NDUFAF6: variants seen among roughly 807,000 people sequenced by gnomAD.
The protein encoded by NDUFAF6 is NADH:ubiquinone oxidoreductase complex assembly factor 6, also known as NADH dehydrogenase (ubiquinone) complex I, assembly factor 6.
A neutral mutation model predicts 40.8 loss-of-function variants in NDUFAF6; 45 were observed. That is an observed-to-expected ratio of 1.10 (90% CI 0.87 to 1.42). The LOEUF is 1.42. Ranked by LOEUF, NDUFAF6 falls within the 40% of genes most tolerant of loss-of-function variation. The pLI is 0.00. For synonymous variants in NDUFAF6, 185 were observed against 155.9 expected, an observed-to-expected ratio of 1.19 and a Z score of -1.39; for missense variants, 435 against 418.5, an observed-to-expected ratio of 1.04 and a Z score of -0.34.
At chr8:95,007,911 A>C (rs1278077084) in intron 2 of NDUFAF6, among the ~76,000 whole-genome samples, 1 of 151,762 alleles carries the variant, frequency 6.6e-6, no homozygotes, top group Non-Finnish European at 1.5e-5. Context: ...TTTTGTAGAG[A>C]CGGGGTCTCA....
rs1832430361 is a variant in NDUFAF6, at chr8:95,058,209, A to C, written c.*272A>C. ...GAGCTCCAACAGGGAATATTGGTGT[A>C]GCTGTGCATAGGCCATAAGCCACAC... On this transcript the variant is annotated 3_prime_UTR_variant, in exon 9 of 9. Coordinates refer to ENST00000396124, the MANE Select transcript of NDUFAF6 (RefSeq NM_152416.4). The C allele has an allele frequency of 7.1e-7, 1 of 1,412,820 alleles. No homozygotes were observed. The highest frequency in any genetic ancestry group is 1.4e-5 in the African/African-American group (1 of 69,364). The allele number at this position is 1,412,820 out of a possible 1,614,324, so 87.5% of individuals were successfully genotyped here.
At chr8:94,969,094 A>G (rs1824253830) in intron 1 of NDUFAF6, among the ~76,000 whole-genome samples, 1 of 152,132 alleles carries the variant, frequency 6.6e-6, no homozygotes, top group South Asian at 2.1e-4. Flanking sequence ...TTCCGATGAG[A>G]GGTGGAGGCT....
chr8:94,944,385 A>C (rs1307813750), intron 1 of NDUFAF6, among the ~76,000 whole-genome samples: 2 of 152,190 alleles, frequency 1.3e-5, no homozygotes, highest in Non-Finnish European at 2.9e-5. Context: ...CCCACATGCA[A>C]ATTGCCCCCT....
At chr8:95,020,567 C>A (rs1164206906), upstream of NDUFAF6, among the ~76,000 whole-genome samples, 1 of 152,180 alleles carries the variant, frequency 6.6e-6, no homozygotes, top group Non-Finnish European at 1.5e-5. Context: ...CAATGCCACA[C>A]CAGCCCACAC....
upstream of NDUFAF6, among the ~76,000 whole-genome samples, chr8:94,957,254 T>G (rs1343670031): frequency 1.3e-5 from 2 of 152,140 alleles, no homozygotes; most frequent in Non-Finnish European, 2.9e-5. Flanking sequence ...CAGGTGGAAG[T>G]TCCAGGGCAA....
intron 2 of NDUFAF6, among the ~76,000 whole-genome samples, chr8:94,990,350 T>C (rs1407394155): frequency 6.6e-6 from 1 of 152,210 alleles, no homozygotes; most frequent in African/African-American, 2.4e-5. Context: ...TATTTCTCTA[T>C]TTTTGCCATT....
At chr8:95,071,487 C>T (rs549262680) in intron 9 of NDUFAF6, among the ~76,000 whole-genome samples, 1 of 152,226 alleles carries the variant, frequency 6.6e-6, no homozygotes, top group African/African-American at 2.4e-5. Context: ...GACTCACCAC[C>T]CCCACAGGCT....
chr8:95,073,147 G>A (rs1832923668), intron 9 of NDUFAF6: 1 of 152,668 alleles, frequency 6.6e-6, no homozygotes, highest in African/African-American at 2.4e-5. Flanking sequence ...CCGACCGGAC[G>A]GAAGGATGCC....
At chr8:95,074,395 CTT>C (rs1434905323) in intron 9 of NDUFAF6, among the ~76,000 whole-genome samples, 2 of 151,942 alleles carry the variant, frequency 1.3e-5, no homozygotes, top group Admixed American at 6.6e-5. Context: ...TTGGATTGGT[CTT>C]TAATCTGGGG....
At chr8:94,975,063 G>A (rs1563762077) in intron 1 of NDUFAF6, among the ~76,000 whole-genome samples, 1 of 152,160 alleles carries the variant, frequency 6.6e-6, no homozygotes, top group Non-Finnish European at 1.5e-5. Flanking sequence ...TAACCACTTG[G>A]AGGAGCCTGA....
chr8:95,017,138 C>G (rs542190962), intron 2 of NDUFAF6, among the ~76,000 whole-genome samples: 1 of 125,464 alleles, frequency 8.0e-6, no homozygotes, highest in Non-Finnish European at 1.6e-5. Flanking sequence ...CATGGGGTTT[C>G]ACCATGTTTC....
intron 1 of NDUFAF6, among the ~76,000 whole-genome samples, chr8:94,966,314 C>T (rs758914374): frequency 2.6e-5 from 4 of 152,114 alleles, no homozygotes; most frequent in African/African-American, 4.8e-5. Flanking sequence ...GGAAGGACGG[C>T]CAGGCATGAT....
At chr8:95,048,211 G>C (rs1053001449) in intron 6 of NDUFAF6, among the ~76,000 whole-genome samples, 7 of 151,912 alleles carry the variant, frequency 4.6e-5, no homozygotes, top group African/African-American at 1.7e-4. Flanking sequence ...AAAAAATCTT[G>C]TTGCATGTTC....
Position 95,094,373 on chromosome 8 carries a change from TC to T in NDUFAF6, n.214-6758del, listed in dbSNP as rs1809368694. On this transcript the variant is annotated intron_variant and non_coding_transcript_variant, in intron 2 of 5. Coordinates refer to the NDUFAF6 transcript ENST00000523184. ...TTTTCTTTCCTTCTTTCTTTTCTTTTCTTTCCTTCTTTCTTTTCTTTTCTTT... is the reference window on the plus strand; with the variant it reads ...TTTTCTTTCCTTCTTTCTTTTCTTTTTTTCCTTCTTTCTTTTCTTTTCTTT... 5.6e-4 allele frequency among the ~76,000 whole-genome samples: 54 copies of T among 96,290 alleles called. 1 individual carries two copies. Among genetic ancestry groups the T allele is most frequent in the African/African-American group, 2.4e-3 (51 of 21,424 alleles). 63.2% of individuals were successfully genotyped at this position (96,290 alleles called of 152,430 possible).
At chr8:94,902,987 C>T (rs1000828186) in intron 1 of NDUFAF6, among the ~76,000 whole-genome samples, 5 of 152,144 alleles carry the variant, frequency 3.3e-5, no homozygotes, top group African/African-American at 1.2e-4. Flanking sequence ...CAGGCGTGAG[C>T]CACTGTGCCC....
chr8:94,899,780 C>A (rs1817896557), intron 1 of NDUFAF6, among the ~76,000 whole-genome samples: 1 of 152,244 alleles, frequency 6.6e-6, no homozygotes, highest in Non-Finnish European at 1.5e-5. Context: ...TGCATTGCCT[C>A]TTGCAGTCTG....
rs182367520 is a variant in NDUFAF6, at chr8:95,027,866, C to T, written c.197+2661C>T. On this transcript the variant is annotated intron_variant, in intron 1 of 8. Coordinates refer to ENST00000396124, the MANE Select transcript of NDUFAF6 (RefSeq NM_152416.4). ...GGCCTCTAAATAGCAGGAAAAATAG[C>T]AGGCCATAACTTCGGGTTCACCATC... Among the ~76,000 whole-genome samples, 384 of 151,174 alleles carry T rather than the reference C, an allele frequency of 2.5e-3. 4 individuals are homozygous for T. Among genetic ancestry groups the T allele is most frequent in the African/African-American group, 9.0e-3 (366 of 40,458 alleles).
exon 6 of NDUFAF6, chr8:95,116,445 T>A (rs1810138033): frequency 6.6e-6 from 1 of 152,044 alleles, no homozygotes; most frequent in Non-Finnish European, 1.5e-5. Flanking sequence ...CTCAACCCCC[T>A]GGGCTCAAGC....
chr8:94,948,028 T>C (rs2131402191), intron 2 of NDUFAF6, among the ~76,000 whole-genome samples: 1 of 152,314 alleles, frequency 6.6e-6, no homozygotes, highest in African/African-American at 2.4e-5. Flanking sequence ...AAGGGTCACA[T>C]TGTTCCCCCT....
Sources: gnomAD v4.1 joint callset for allele counts (sites outside exome capture counted in the v4.1 genomes callset) on GRCh38, gnomAD v4.1.1 for gene constraint, MANE v1.5 for transcripts, NCBI Gene and HGNC (gene_info 2026-07-23, HGNC 2026-07-21) for gene names.